ABCA13: variants seen among roughly 807,000 people sequenced by gnomAD.
The protein encoded by ABCA13 is ATP-binding cassette sub-family A member 13.
A neutral mutation model predicts 478.7 loss-of-function variants in ABCA13; 476 were observed. That is an observed-to-expected ratio of 0.99 (90% CI 0.92 to 1.07). The LOEUF (loss-of-function observed/expected upper bound fraction) is 1.07, where lower values mean the gene tolerates loss of function less well. Among genes scored for constraint, ABCA13 ranks in the 50% least tolerant of loss-of-function variants. ABCA13 has a pLI of 0.00. For missense variants in ABCA13, 6,060 were observed against 5,910.6 expected (o/e 1.03, Z -0.83); for synonymous variants, 2,252 against 2,158.9 (o/e 1.04, Z -1.20).
chr7:48,538,970 A>G (rs1039371348), intron 55 of ABCA13, among the ~76,000 whole-genome samples: 2 of 152,216 alleles, frequency 1.3e-5, no homozygotes, highest in Non-Finnish European at 2.9e-5. Context: ...ATGGAATTTA[A>G]TATGTTCATT....
At chr7:48,284,534 T>A (rs967914193) in intron 19 of ABCA13, among the ~76,000 whole-genome samples, 3 of 152,166 alleles carry the variant, frequency 2.0e-5, no homozygotes, top group Non-Finnish European at 4.4e-5. Flanking sequence ...ATGCTTATCT[T>A]CCATATTGAA....
intron 3 of ABCA13, among the ~76,000 whole-genome samples, chr7:48,203,464 A>G (rs1279004820): frequency 6.6e-6 from 1 of 152,244 alleles, no homozygotes; most frequent in Admixed American, 6.5e-5. Context: ...GACTGCCAGC[A>G]CGCTGTCACC....
rs1208233527 is a variant in ABCA13 at position 48,174,058 on chromosome 7, G to T, written c.69+2506G>T. ...ATTACAGTGGAAATATTGAGGGCAG[G>T]CCCCTCTGGGTGAATGTCTTTAAAC... On this transcript the variant is annotated intron_variant, in intron 1 of 61. Coordinates refer to ENST00000435803, the MANE Select transcript of ABCA13 (RefSeq NM_152701.5). 3.9e-5 allele frequency among the ~76,000 whole-genome samples: 6 copies of T among 152,328 alleles called. No individual in the cohort carries two copies. In the South Asian group the frequency reaches 1.0e-3, roughly 26 times the overall value.
intron 5 of ABCA13, among the ~76,000 whole-genome samples, chr7:48,221,904 G>A (rs191250222): frequency 6.6e-6 from 1 of 152,314 alleles, no homozygotes; most frequent in Admixed American, 6.5e-5. Flanking sequence ...TCAAGTTAAG[G>A]TGCAACCCTG....
At chr7:48,444,639 AG>A (rs1029662934) in intron 42 of ABCA13, among the ~76,000 whole-genome samples, 138 of 152,058 alleles carry the variant, frequency 9.1e-4, no homozygotes, top group African/African-American at 3.1e-3. Context: ...TATTCTTCTG[AG>A]GGGTCATTTT....
At position 48,171,470 on chromosome 7, in the gene ABCA13, A is replaced by G; in HGVS notation, c.-14A>G. 6.5e-7 allele frequency: 1 copy of G among 1,535,986 alleles called. No homozygotes were observed. Among genetic ancestry groups the G allele is most frequent in the Non-Finnish European group, 8.7e-7 (1 of 1,146,844 alleles). ...ACAGGCTGGCTTCCTGACTGAGAGC[A>G]GGGAGCAGCAGGCATGGGGCATGCC... is the stretch of plus-strand genomic sequence containing the variant. On this transcript the variant is annotated 5_prime_UTR_variant, in exon 1 of 62. Transcript: ENST00000435803.
intron 24 of ABCA13, among the ~76,000 whole-genome samples, chr7:48,311,430 G>A (rs1188136659): frequency 2.0e-5 from 3 of 152,134 alleles, no homozygotes; most frequent in South Asian, 2.1e-4. Context: ...GTTTAGCTCT[G>A]CATTTGCTCA....
chr7:48,585,389 T>C (rs543304211), intron 56 of ABCA13, among the ~76,000 whole-genome samples: 58 of 152,202 alleles, frequency 3.8e-4, no homozygotes, highest in Non-Finnish European at 4.9e-4. Context: ...TAGCAGGAGA[T>C]TAAATATTTC....
chr7:48,304,260 G>A (rs1390682483), intron 23 of ABCA13, among the ~76,000 whole-genome samples: 1 of 152,210 alleles, frequency 6.6e-6, no homozygotes, highest in East Asian at 1.9e-4. Flanking sequence ...GGCATGAAGA[G>A]GGAACAGGGA....
At chr7:48,348,532 T>C (rs529856188) in intron 29 of ABCA13, among the ~76,000 whole-genome samples, 1 of 152,380 alleles carries the variant, frequency 6.6e-6, no homozygotes, top group East Asian at 1.9e-4. Flanking sequence ...TGTTTTATTC[T>C]TCTATGAATT....
intron 15 of ABCA13, among the ~76,000 whole-genome samples, chr7:48,259,011 T>A (rs968197008): frequency 6.6e-6 from 1 of 151,976 alleles, no homozygotes; most frequent in East Asian, 1.9e-4. Flanking sequence ...TTGCTGAGGA[T>A]TGTTTTTATG....
chr7:48,482,055 A>G (rs1273070496), intron 46 of ABCA13, among the ~76,000 whole-genome samples: 4 of 152,136 alleles, frequency 2.6e-5, no homozygotes, highest in Admixed American at 6.5e-5. Flanking sequence ...ATTTTTTTAA[A>G]TGTTAACCCT....
At chr7:48,623,796 G>T (rs780259194) in intron 59 of ABCA13, among the ~76,000 whole-genome samples, 5 of 152,202 alleles carry the variant, frequency 3.3e-5, no homozygotes, top group Admixed American at 6.5e-5. Context: ...TCTAAGAAAT[G>T]TAGACTCTAG....
Position 48,350,698 on chromosome 7 carries a change from G to A in ABCA13, c.10260G>A (p.Leu3420=). The A allele has an allele frequency of 6.2e-7, 1 of 1,613,926 alleles. No homozygotes were observed. The highest frequency in any genetic ancestry group is 8.5e-7 in the Non-Finnish European group (1 of 1,179,858). ...NHAGAGRFRF[L]GSILVNLSSC... ...CAGGCGCTGGACGCTTCCGTTTCTT[G>A]GGCAGCATCTTGGTCAATCTCTCTT... is the stretch of plus-strand genomic sequence containing the variant. Residue 3420 remains leucine, a synonymous_variant, in exon 30 of 62, where the codon TTG becomes TTA. Coordinates refer to ENST00000435803, the MANE Select transcript of ABCA13 (RefSeq NM_152701.5).
chr7:48,463,023 C>T (rs997612589), intron 43 of ABCA13, among the ~76,000 whole-genome samples: 2 of 152,086 alleles, frequency 1.3e-5, no homozygotes, highest in Non-Finnish European at 1.5e-5. Context: ...AGTGGCTATC[C>T]TCTTACTCAA....
intron 39 of ABCA13, among the ~76,000 whole-genome samples, chr7:48,406,037 T>C (rs996548450): frequency 3.3e-5 from 5 of 152,186 alleles, no homozygotes. Flanking sequence ...GAGACAGATC[T>C]AAGGACTGTG....
At chr7:48,412,268 G>A in intron 40 of ABCA13, 85 bp from the exon 41 acceptor site, 1 of 980,684 alleles carries the variant, frequency 1.0e-6, no homozygotes, top group East Asian at 2.6e-5. Flanking sequence ...GAAATAATTT[G>A]CTTATGGATA....
intron 42 of ABCA13, among the ~76,000 whole-genome samples, chr7:48,447,775 A>C (rs571275107): frequency 6.6e-6 from 1 of 152,278 alleles, no homozygotes; most frequent in South Asian, 2.1e-4. Flanking sequence ...TGAGCATCTC[A>C]TTTGGGCTGG....
chr7:48,288,110 A>T (rs143098693), intron 20 of ABCA13, 32 bp downstream of exon 20: 5 of 1,588,772 alleles, frequency 3.1e-6, no homozygotes, highest in Middle Eastern at 1.7e-4. Flanking sequence ...AGAGAATTTC[A>T]TGTTCATGAC....
Sources: gnomAD v4.1 joint callset for allele counts (sites outside exome capture counted in the v4.1 genomes callset) on GRCh38, gnomAD v4.1.1 for gene constraint, MANE v1.5 for transcripts, NCBI Gene and HGNC (gene_info 2026-07-23, HGNC 2026-07-21) for gene names.